Variants in MTUS2 observed in about 807,000 individuals in gnomAD.
The protein encoded by MTUS2 is microtubule-associated tumor suppressor candidate 2.
A neutral mutation model predicts 114.1 loss-of-function variants in MTUS2; 40 were observed. The ratio of observed to expected loss-of-function variants is 0.35; its 90% CI spans 0.27 to 0.46. The LOEUF (loss-of-function observed/expected upper bound fraction) is 0.46. Among genes scored for constraint, MTUS2 ranks in the 20% least tolerant of loss-of-function variants. The pLI, the probability that MTUS2 is intolerant of heterozygous loss-of-function variation, is 1.00. For missense variants in MTUS2, 1,679 were observed against 1,705.4 expected (o/e 0.98, Z 0.27); for synonymous variants, 688 against 672.0 (o/e 1.02, Z -0.37).
At chr13:29,142,146 T>A (rs566834359) in intron 5 of MTUS2, among the ~76,000 whole-genome samples, 1 of 152,162 alleles carries the variant, frequency 6.6e-6, no homozygotes, top group African/African-American at 2.4e-5. Flanking sequence ...CTAATTTTTT[T>A]AAGTATTATT....
Position 29,503,337 on chromosome 13 carries a change from T to G in MTUS2, c.*131T>G. 1.0e-6 allele frequency: 1 copy of G among 989,950 alleles called. No homozygotes were observed. Among genetic ancestry groups the G allele is most frequent in the South Asian group, 1.5e-5 (1 of 65,746 alleles). 61.3% of individuals were successfully genotyped at this position (989,950 alleles called of 1,614,324 possible). ...TAGCTGCGAATGCATCCTAGGCGCG[T>G]CCTCCTCTGATCCCCGTGTAAGACT... On this transcript the variant is annotated 3_prime_UTR_variant, in exon 16 of 16. Coordinates refer to ENST00000612955, the MANE Select transcript of MTUS2 (RefSeq NM_001033602.4).
intron 5 of MTUS2, among the ~76,000 whole-genome samples, chr13:29,145,396 T>C (rs982085709): frequency 2.0e-5 from 3 of 152,016 alleles, no homozygotes; most frequent in Non-Finnish European, 1.5e-5. Flanking sequence ...GGTGGGCACC[T>C]GTAATCTCAG....
intron 4 of MTUS2, among the ~76,000 whole-genome samples, chr13:29,041,955 A>G (rs1285962814): frequency 2.6e-5 from 4 of 152,064 alleles, no homozygotes; most frequent in Non-Finnish European, 5.9e-5. Context: ...GATGCCTTTT[A>G]TTTCTTTCAC....
At chr13:29,157,493 A>C (rs563479678) in intron 5 of MTUS2, among the ~76,000 whole-genome samples, 14 of 152,254 alleles carry the variant, frequency 9.2e-5, no homozygotes, top group Non-Finnish European at 1.8e-4. Context: ...TGTTTGTGTC[A>C]ACGTTGACCC....
At chr13:29,162,501 A>C (rs771459784) in intron 5 of MTUS2, among the ~76,000 whole-genome samples, 14 of 152,140 alleles carry the variant, frequency 9.2e-5, no homozygotes, top group Non-Finnish European at 1.9e-4. Flanking sequence ...ATTATAATAC[A>C]ATGACACCCT....
At chr13:28,916,457 C>A (rs1399197670) in intron 2 of MTUS2, among the ~76,000 whole-genome samples, 1 of 151,602 alleles carries the variant, frequency 6.6e-6, no homozygotes, top group Non-Finnish European at 1.5e-5. Flanking sequence ...TTTTTTATGT[C>A]CTTTTTAATT....
At chr13:29,010,405 A>T (rs1885787803) in intron 2 of MTUS2, among the ~76,000 whole-genome samples, 1 of 151,838 alleles carries the variant, frequency 6.6e-6, no homozygotes, top group South Asian at 2.1e-4. Context: ...TGGGGAATGG[A>T]GTCTTGGGAT....
intron 2 of MTUS2, among the ~76,000 whole-genome samples, chr13:28,879,669 A>G (rs1044637547): frequency 2.0e-5 from 3 of 152,220 alleles, no homozygotes; most frequent in Non-Finnish European, 4.4e-5. Flanking sequence ...ATCTGCTTTA[A>G]GAGAGAGTTT....
chr13:29,255,513 A>G (rs116799472), intron 5 of MTUS2, among the ~76,000 whole-genome samples: 194 of 152,228 alleles, frequency 1.3e-3, no homozygotes, highest in African/African-American at 4.4e-3. Flanking sequence ...TCTGGAAAAT[A>G]AAATCAAAGA....
intron 8 of MTUS2, among the ~76,000 whole-genome samples, chr13:29,366,335 A>G (rs1409307404): frequency 3.3e-5 from 5 of 152,160 alleles, no homozygotes; most frequent in East Asian, 3.9e-4. Flanking sequence ...GAGACTTACT[A>G]TCACAAGAAT....
chr13:29,279,660 T>A (rs1002242028), intron 5 of MTUS2, among the ~76,000 whole-genome samples: 1 of 152,146 alleles, frequency 6.6e-6, no homozygotes, highest in African/African-American at 2.4e-5. Flanking sequence ...ATAAGAATAG[T>A]GTTATATATT....
intron 2 of MTUS2, among the ~76,000 whole-genome samples, chr13:28,894,656 A>G (rs990802888): frequency 2.0e-5 from 3 of 152,234 alleles, no homozygotes; most frequent in Non-Finnish European, 4.4e-5. Flanking sequence ...TAGAAATGCT[A>G]TACCATTCCT....
chr13:29,055,727 T>G (rs73164584), intron 4 of MTUS2, among the ~76,000 whole-genome samples: 11,967 of 152,204 alleles, frequency 0.079, 790 homozygotes, highest in East Asian at 0.31. Flanking sequence ...TCTTACTTTT[T>G]GACTTTTTAG....
intron 6 of MTUS2, among the ~76,000 whole-genome samples, chr13:29,322,977 C>A (rs1374797719): frequency 1.3e-5 from 2 of 152,116 alleles, no homozygotes; most frequent in East Asian, 3.9e-4. Flanking sequence ...GGGCATGGGG[C>A]ATGTTGGAAG....
At chr13:29,239,272 C>T (rs775565915) in intron 5 of MTUS2, 1 of 152,146 alleles carries the variant, frequency 6.6e-6, no homozygotes, top group African/African-American at 2.4e-5. Flanking sequence ...GAAGAAAGAA[C>T]ACATACTCTC....
chr13:28,855,626 A>G (rs1000732484), intron 2 of MTUS2, among the ~76,000 whole-genome samples: 3 of 152,178 alleles, frequency 2.0e-5, no homozygotes, highest in South Asian at 2.1e-4. Flanking sequence ...ATGGCTGCAT[A>G]GTATTCCATG....
intron 8 of MTUS2, among the ~76,000 whole-genome samples, chr13:29,404,456 C>T (rs563830032): frequency 6.6e-6 from 1 of 152,250 alleles, no homozygotes; most frequent in African/African-American, 2.4e-5. Context: ...GCTTGCCAGC[C>T]TCACAGGGTC....
rs932952295 is a variant in MTUS2 at position 29,360,696 on chromosome 13, C to G, written c.3117+1223C>G. 2.5e-3 allele frequency among the ~76,000 whole-genome samples: 341 copies of G among 136,256 alleles called. 2 individuals are homozygous for G. Among genetic ancestry groups the G allele is most frequent in the African/African-American group, 7.8e-3 (306 of 39,262 alleles). The allele number at this position is 136,256 out of a possible 152,430, so 89.4% of individuals were successfully genotyped here. On this transcript the variant is annotated intron_variant, in intron 8 of 15. Coordinates refer to ENST00000612955, the MANE Select transcript of MTUS2 (RefSeq NM_001033602.4). The stretch of plus-strand genomic sequence containing the variant: ...GCATAAAGTAGCCGAACACCCCCCC[C>G]CCCCCGTAAGAATTAAAGTTACAAA...
At chr13:29,185,244 A>G (rs1894174019) in intron 5 of MTUS2, among the ~76,000 whole-genome samples, 1 of 152,122 alleles carries the variant, frequency 6.6e-6, no homozygotes, top group Non-Finnish European at 1.5e-5. Context: ...AAAAACGCAA[A>G]GAAGAATGAA....
Sources: allele counts gnomAD v4.1 joint callset (sites outside exome capture counted in the v4.1 genomes callset), GRCh38; gene constraint gnomAD v4.1.1; transcripts MANE v1.5; gene names NCBI Gene and HGNC (gene_info 2026-07-23, HGNC 2026-07-21).